The following ECSIT variants were observed in gnomAD, a reference collection of about 807,000 sequenced individuals.
The protein encoded by ECSIT is ECSIT signaling integrator.
Under a neutral mutation model 36.8 loss-of-function variants are expected in ECSIT, and 29 were observed. The observed-to-expected ratio is 0.79, with a 90% CI of 0.59 to 1.08. The LOEUF (loss-of-function observed/expected upper bound fraction) is 1.08. ECSIT is among the 50% of genes least tolerant of loss of function. The pLI is 0.00. For synonymous variants in ECSIT, 231 were observed against 234.8 expected (o/e 0.98, Z 0.15); for missense variants, 542 against 581.0 (o/e 0.93, Z 0.69).
At chr19:11,516,756 A>G (rs1972008014) in intron 2 of ECSIT, among the ~76,000 whole-genome samples, 1 of 151,912 alleles carries the variant, frequency 6.6e-6, no homozygotes, top group Non-Finnish European at 1.5e-5. Flanking sequence ...GGTGGCTCAC[A>G]CCTGTAATCC....
At chr19:11,525,454 A>G (rs147804981) in intron 1 of ECSIT, among the ~76,000 whole-genome samples, 108 of 152,200 alleles carry the variant, frequency 7.1e-4, no homozygotes, top group African/African-American at 2.5e-3. Flanking sequence ...TCCAAGCTAC[A>G]GTAAACCAAG....
At chr19:11,520,123 TC>T (rs753806194) in intron 1 of ECSIT, among the ~76,000 whole-genome samples, 3 of 152,154 alleles carry the variant, frequency 2.0e-5, no homozygotes, top group Admixed American at 6.6e-5. Flanking sequence ...GAATCTGGAA[TC>T]ACAAGTGCTC....
chr19:11,513,488 C>T (rs941283887), intron 3 of ECSIT, among the ~76,000 whole-genome samples: 1 of 150,876 alleles, frequency 6.6e-6, no homozygotes. Context: ...AGTTTGAGAG[C>T]AGCCTGGGCA....
At chr19:11,508,784 C>T (rs1971811552) in intron 4 of ECSIT, among the ~76,000 whole-genome samples, 2 of 152,112 alleles carry the variant, frequency 1.3e-5, no homozygotes, top group South Asian at 4.1e-4. Flanking sequence ...AAATTCCTGG[C>T]CTCAGGTGAT....
intron 4 of ECSIT, among the ~76,000 whole-genome samples, chr19:11,510,159 C>T (rs1368518936): frequency 1.3e-5 from 2 of 151,996 alleles, no homozygotes; most frequent in African/African-American, 4.8e-5. Context: ...AGGCGTAAGC[C>T]ACCATGCCTG....
At chr19:11,513,368 T>G in intron 3 of ECSIT, 89 bp from the exon 4 acceptor site, 2 of 1,022,422 alleles carry the variant, frequency 2.0e-6, no homozygotes, top group Non-Finnish European at 1.5e-6. Context: ...AGTGAGGGAA[T>G]TGATCACAGA....
intron 3 of ECSIT, 102 bp from the exon 4 acceptor site, chr19:11,513,381 G>C (rs1447737646): frequency 8.6e-5 from 85 of 990,722 alleles, no homozygotes; most frequent in Non-Finnish European, 1.2e-4. Flanking sequence ...ATCACAGACA[G>C]GGAGAAAAGA....
intron 7 of ECSIT, 139 bp downstream of exon 7, chr19:11,507,318 G>A (rs970544535): frequency 1.2e-5 from 7 of 603,368 alleles, no homozygotes; most frequent in African/African-American, 6.0e-5. Flanking sequence ...GGTCTATCAT[G>A]TAGGCTGGAG....
At chr19:11,512,035 A>T (rs570643014) in intron 4 of ECSIT, among the ~76,000 whole-genome samples, 6 of 150,010 alleles carry the variant, frequency 4.0e-5, no homozygotes, top group Admixed American at 3.9e-4. Flanking sequence ...CATCTCAAAA[A>T]AAAAACAAAC....
chr19:11,527,177 C>T (rs773634693), intron 1 of ECSIT, among the ~76,000 whole-genome samples: 4 of 151,946 alleles, frequency 2.6e-5, no homozygotes, highest in Non-Finnish European at 5.9e-5. Context: ...CAAAAATTAG[C>T]CAGGTGTGGT....
At chr19:11,523,554 A>C in intron 1 of ECSIT, 1 of 1,071,132 alleles carries the variant, frequency 9.3e-7, no homozygotes, top group Non-Finnish European at 1.4e-6. Context: ...GAAGCTGCCA[A>C]AGCCTTAGAC....
chr19:11,509,423 A>G lies in ECSIT; in HGVS notation c.739-1375T>C, dbSNP rs1971825295. On this transcript the variant is annotated intron_variant, in intron 4 of 7. Coordinates refer to ENST00000270517, the MANE Select transcript of ECSIT (RefSeq NM_016581.5). ...AATGCACTTGCTTTTGAAACAAAAC[A>G]GTGGACAGCTATTAGAACATATATC... 2.0e-5 allele frequency among the ~76,000 whole-genome samples: 3 copies of G among 151,526 alleles called. No individual in the cohort carries two copies. In the South Asian group the frequency reaches 6.3e-4, roughly 32 times the overall value.
In ECSIT at chr19:11,506,230, T is replaced by C. The variant is rs749160236; in HGVS notation, c.1250A>G (p.Gln417Arg). 17 of 1,609,080 alleles carry C rather than the reference T, an allele frequency of 1.1e-5. No homozygotes were observed. In the South Asian group the frequency reaches 1.8e-4, roughly 17 times the overall value. The change falls in exon 8 of 8, where the codon CAG (glutamine) becomes CGG (arginine). Residue 417 changes from glutamine (Q) to arginine (R), a missense_variant. Coordinates refer to ENST00000270517, the MANE Select transcript of ECSIT (RefSeq NM_016581.5). The part of the protein sequence containing the change: ...LEEPPLPEDH[Q>R]EEDDNLQRQQ... ...TCGCTGCAGGTTGTCGTCTTCTTCC[T>C]GGTGGTCCTCGGGCAGGGGCGGCTC...
Position 11,511,723 on chromosome 19 carries a change from T to C in ECSIT, c.738+1333A>G, listed in dbSNP as rs76249905. On this transcript the variant is annotated intron_variant, in intron 4 of 7. Coordinates refer to ENST00000270517, the MANE Select transcript of ECSIT (RefSeq NM_016581.5). Reference sequence around the variant, plus strand: ...ATCATAAGGGCTCTGCCTTCATGAATGAGATTAGTCCCCTTATAAAAAAGG... The same window carrying C: ...ATCATAAGGGCTCTGCCTTCATGAACGAGATTAGTCCCCTTATAAAAAAGG... Among the ~76,000 whole-genome samples the C allele has an allele frequency of 7.2e-3, 1,092 of 152,142 alleles. 16 individuals are homozygous for C. Among genetic ancestry groups the C allele is most frequent in the African/African-American group, 0.025 (1,047 of 41,498 alleles).
Position 11,507,769 on chromosome 19 carries a change from A to G in ECSIT, c.878T>C (p.Leu293Pro). 6.2e-7 allele frequency: 1 copy of G among 1,614,098 alleles called. No individual in the cohort carries two copies. ...ATACACACACTTGTTGCGGAGCCAC[A>G]GGGAGAAGGGGCCCTCAACAAAGAC... ...RPVFVEGPFS[L>P]WLRNKCVYYH... Residue 293 changes from leucine (L) to proline (P), a missense_variant, in exon 6 of 8, where the codon CTG becomes CCG. Coordinates refer to ENST00000270517, the MANE Select transcript of ECSIT (RefSeq NM_016581.5).
At chr19:11,521,385 T>C (rs1425955265) in intron 1 of ECSIT, among the ~76,000 whole-genome samples, 1 of 152,074 alleles carries the variant, frequency 6.6e-6, no homozygotes, top group African/African-American at 2.4e-5. Context: ...CATTTCACAT[T>C]CCCATCGGCA....
At chr19:11,517,854 T>A in intron 2 of ECSIT, among the ~76,000 whole-genome samples, 1 of 152,228 alleles carries the variant, frequency 6.6e-6, no homozygotes, top group East Asian at 1.9e-4. Context: ...CTGGTCACTA[T>A]GGGTATAGGA....
intron 1 of ECSIT, among the ~76,000 whole-genome samples, chr19:11,520,292 A>C (rs2144993370): frequency 6.6e-6 from 1 of 151,716 alleles, no homozygotes; most frequent in East Asian, 2.0e-4. Flanking sequence ...ATGCCTCAGC[A>C]TCCCGAGTAG....
chr19:11,522,523 C>A, intron 1 of ECSIT: 1 of 880,124 alleles, frequency 1.1e-6, no homozygotes, highest in Non-Finnish European at 1.8e-6. Flanking sequence ...CCCAGGTGTG[C>A]CCCACGTAAA....
Sources: allele counts gnomAD v4.1 joint callset (sites outside exome capture counted in the v4.1 genomes callset), GRCh38; gene constraint gnomAD v4.1.1; transcripts MANE v1.5; gene names NCBI Gene and HGNC (gene_info 2026-07-23, HGNC 2026-07-21).